NALF1: variants seen among roughly 807,000 people sequenced by gnomAD.
NALF1 encodes the protein NALCN channel auxiliary factor 1.
A neutral mutation model predicts 48.4 loss-of-function variants in NALF1; 3 were observed. The ratio of observed to expected loss-of-function variants is 0.06; its 90% CI spans 0.03 to 0.16. The LOEUF is 0.16. Ranked by LOEUF, NALF1 falls within the 10% of genes least tolerant of loss-of-function variation. The pLI is 1.00. For synonymous variants in NALF1, 262 were observed against 245.7 expected, an observed-to-expected ratio of 1.07 and a Z score of -0.62; for missense variants, 526 against 571.5, an observed-to-expected ratio of 0.92 and a Z score of 0.81.
At chr13:107,780,081 G>C (rs1288436727) in intron 1 of NALF1, among the ~76,000 whole-genome samples, 1 of 125,586 alleles carries the variant, frequency 8.0e-6, no homozygotes, top group East Asian at 2.3e-4. Context: ...CTGCGGTTTT[G>C]TTGTTGTGGT....
chr13:107,468,643 T>C (rs983570539), intron 1 of NALF1, among the ~76,000 whole-genome samples: 2 of 152,236 alleles, frequency 1.3e-5, no homozygotes, highest in Admixed American at 6.5e-5. Flanking sequence ...AAATATGTAG[T>C]TTCTGATTAA....
At chr13:107,733,839 G>T (rs912701227) in intron 1 of NALF1, among the ~76,000 whole-genome samples, 4 of 152,112 alleles carry the variant, frequency 2.6e-5, no homozygotes, top group African/African-American at 9.7e-5. Context: ...CATAAGAACA[G>T]AAGAGATACT....
intron 2 of NALF1, among the ~76,000 whole-genome samples, chr13:107,194,012 C>CT (rs1879336607): frequency 7.8e-5 from 1 of 12,768 alleles, no homozygotes; most frequent in Non-Finnish European, 2.0e-4. Flanking sequence ...TCTATCTTAT[C>CT]TATCTATCTA....
chr13:107,252,576 T>C (rs1880725240), intron 1 of NALF1, among the ~76,000 whole-genome samples: 2 of 151,992 alleles, frequency 1.3e-5, no homozygotes, highest in African/African-American at 4.8e-5. Context: ...GAAGCTGCTT[T>C]CATAGCCTCA....
chr13:107,380,071 T>TC (rs1883404296), intron 1 of NALF1, among the ~76,000 whole-genome samples: 1 of 152,110 alleles, frequency 6.6e-6, no homozygotes, highest in African/African-American at 2.4e-5. Context: ...CTGATATGGC[T>TC]CCTTTTTTTT....
chr13:107,165,910 C>T lies in NALF1; in HGVS notation c.*4587G>A, dbSNP rs1166363066. ...ATGGTTTTTAAATGACCATGCTGCT[C>T]TAACTTTGACAAACAAGTAGGATCA... On this transcript the variant is annotated 3_prime_UTR_variant, in exon 3 of 3. Coordinates refer to ENST00000375915, the MANE Select transcript of NALF1 (RefSeq NM_001080396.3). 1 of 152,028 alleles carries T rather than the reference C, an allele frequency of 6.6e-6. No homozygotes were observed. The highest frequency in any genetic ancestry group is 1.5e-5 in the Non-Finnish European group (1 of 68,002). 9.4% of individuals were successfully genotyped at this position (152,028 alleles called of 1,614,324 possible). A position where few individuals can be genotyped will look rare whatever the true frequency, so the allele number is the denominator to read the frequency against.
At chr13:107,416,816 A>C (rs1884097230) in intron 1 of NALF1, among the ~76,000 whole-genome samples, 1 of 152,180 alleles carries the variant, frequency 6.6e-6, no homozygotes, top group Non-Finnish European at 1.5e-5. Context: ...GTATTTACAT[A>C]TTTACATTAC....
intron 1 of NALF1, among the ~76,000 whole-genome samples, chr13:107,617,831 C>A (rs753101570): frequency 2.6e-5 from 4 of 152,234 alleles, no homozygotes; most frequent in Middle Eastern, 3.4e-3. Flanking sequence ...TATTTCCATG[C>A]TGACCCAATC....
intron 1 of NALF1, among the ~76,000 whole-genome samples, chr13:107,605,112 C>T (rs74112287): frequency 0.014 from 2,174 of 152,222 alleles, 54 homozygotes; most frequent in African/African-American, 0.05. Context: ...GCTCTAGAAA[C>T]GAACTCTTAG....
chr13:107,653,480 G>A (rs1459731615), intron 1 of NALF1, among the ~76,000 whole-genome samples: 3 of 14,698 alleles, frequency 2.0e-4, no homozygotes, highest in Admixed American at 3.4e-3. Context: ...TTAGCAGAGA[G>A]GTATTTTTTT....
intron 1 of NALF1, among the ~76,000 whole-genome samples, chr13:107,607,374 T>C (rs952069206): frequency 6.6e-6 from 1 of 152,048 alleles, no homozygotes; most frequent in Non-Finnish European, 1.5e-5. Context: ...ATATGGATAA[T>C]GCAGAGAAAG....
intron 1 of NALF1, among the ~76,000 whole-genome samples, chr13:107,269,691 G>A (rs1329906031): frequency 6.6e-6 from 1 of 152,088 alleles, no homozygotes; most frequent in African/African-American, 2.4e-5. Context: ...CATGATCATC[G>A]TTGGTCTATG....
rs796795415 is a variant in NALF1 at position 107,644,421 on chromosome 13, TA to T, written c.915+221260del. Among the ~76,000 whole-genome samples the T allele has an allele frequency of 5.6e-3, 779 of 139,464 alleles. 1 individual carries two copies. The highest frequency in any genetic ancestry group is 0.015 in the Middle Eastern group (4 of 266). 91.5% of individuals were successfully genotyped at this position (139,464 alleles called of 152,430 possible). The stretch of plus-strand genomic sequence containing the variant: ...TGTTTACAGACACGGAAACTCAGGT[TA>T]AAAAAAAAAAAAATCTATCCAGTGC... On this transcript the variant is annotated intron_variant, in intron 1 of 2. Transcript: ENST00000375915.
At chr13:107,682,095 G>A (rs981085182) in intron 1 of NALF1, among the ~76,000 whole-genome samples, 1 of 152,158 alleles carries the variant, frequency 6.6e-6, no homozygotes, top group Non-Finnish European at 1.5e-5. Context: ...CAAGTTACAA[G>A]GTTGAAATAT....
At chr13:107,355,135 C>T (rs2138948858) in intron 1 of NALF1, among the ~76,000 whole-genome samples, 1 of 152,304 alleles carries the variant, frequency 6.6e-6, no homozygotes, top group Admixed American at 6.5e-5. Context: ...TGCCCTCATC[C>T]ATCTGGGGGC....
chr13:107,864,719 A>C (rs1880663427), intron 1 of NALF1, among the ~76,000 whole-genome samples: 1 of 152,134 alleles, frequency 6.6e-6, no homozygotes. Flanking sequence ...CTCTTGGGTA[A>C]ATCTCATTTC....
intron 1 of NALF1, among the ~76,000 whole-genome samples, chr13:107,842,195 T>C (rs2138635786): frequency 6.6e-6 from 1 of 152,154 alleles, no homozygotes; most frequent in East Asian, 1.9e-4. Flanking sequence ...AAAATCCATA[T>C]ACTCACAGAT....
chr13:107,763,247 C>T (rs1343486146), intron 1 of NALF1, among the ~76,000 whole-genome samples: 1 of 151,834 alleles, frequency 6.6e-6, no homozygotes, highest in Non-Finnish European at 1.5e-5. Context: ...GCTCTTCAAC[C>T]TCCTCCTCCC....
intron 1 of NALF1, among the ~76,000 whole-genome samples, chr13:107,397,741 A>G (rs1430346742): frequency 6.6e-6 from 1 of 152,108 alleles, no homozygotes; most frequent in East Asian, 1.9e-4. Flanking sequence ...GTTATGCCCT[A>G]GGTACCTAAG....
Sources: allele counts gnomAD v4.1 joint callset (sites outside exome capture counted in the v4.1 genomes callset), GRCh38; gene constraint gnomAD v4.1.1; transcripts MANE v1.5; gene names NCBI Gene and HGNC (gene_info 2026-07-23, HGNC 2026-07-21).